The following OOSP4A variants were observed in gnomAD, a reference collection of about 807,000 sequenced individuals.
OOSP4A encodes the protein oocyte-secreted protein 4A.
At chr11:59,969,352 G>A (rs138869218) in intron 4 of OOSP4A, 68 bp downstream of exon 4, 3 of 397,260 alleles carry the variant, frequency 7.6e-6, no homozygotes, top group African/African-American at 6.2e-5. Context: ...CCAGGGTTTA[G>A]TAAGGTGGTG....
At chr11:59,968,928 A>G (rs1350213757) in intron 3 of OOSP4A, among the ~76,000 whole-genome samples, 1 of 152,232 alleles carries the variant, frequency 6.6e-6, no homozygotes, top group African/African-American at 2.4e-5. Flanking sequence ...TCACAATAGT[A>G]CATTTTGGGA....
chr11:59,967,366 G>GT (rs1170059698), intron 3 of OOSP4A, among the ~76,000 whole-genome samples: 1 of 152,164 alleles, frequency 6.6e-6, no homozygotes, highest in Non-Finnish European at 1.5e-5. Context: ...ATGAGGCTCA[G>GT]TTGTTATATG....
At chr11:59,967,674 T>A (rs980197217) in intron 3 of OOSP4A, among the ~76,000 whole-genome samples, 5 of 151,396 alleles carry the variant, frequency 3.3e-5, no homozygotes, top group Non-Finnish European at 5.9e-5. Flanking sequence ...TAATTTTTTT[T>A]ATATATATAA....
chr11:59,968,474 T>C (rs1337242198), intron 3 of OOSP4A, among the ~76,000 whole-genome samples: 1 of 152,200 alleles, frequency 6.6e-6, no homozygotes, highest in Non-Finnish European at 1.5e-5. Context: ...TATCTTGACT[T>C]CTTGAGGTCC....
chr11:59,965,155 G>A (rs1223704896), intron 1 of OOSP4A, among the ~76,000 whole-genome samples: 1 of 120,898 alleles, frequency 8.3e-6, no homozygotes, highest in South Asian at 3.6e-4. Flanking sequence ...GTGGGGGAGG[G>A]GGGAGGGGGG....
intron 2 of OOSP4A, 109 bp downstream of exon 2, chr11:59,965,822 T>C: frequency 2.5e-6 from 1 of 396,510 alleles, no homozygotes; most frequent in Non-Finnish European, 4.4e-6. Context: ...GTTAATTTAA[T>C]AGTTCATGTA....
At chr11:59,964,264 T>C (rs1200994531) in intron 1 of OOSP4A, among the ~76,000 whole-genome samples, 165 bp downstream of exon 1, 1 of 151,948 alleles carries the variant, frequency 6.6e-6, no homozygotes, top group Non-Finnish European at 1.5e-5. Flanking sequence ...ACTAGTTTTA[T>C]CTTTACCCCT....
chr11:59,966,864 G>C (rs1854104785), intron 2 of OOSP4A, among the ~76,000 whole-genome samples: 1 of 152,094 alleles, frequency 6.6e-6, no homozygotes, highest in South Asian at 2.1e-4. Context: ...TATGGCAGGG[G>C]CTATTAATGT....
Sources: allele counts gnomAD v4.1 joint callset (sites outside exome capture counted in the v4.1 genomes callset), GRCh38; gene constraint gnomAD v4.1.1; transcripts MANE v1.5; gene names NCBI Gene and HGNC (gene_info 2026-07-23, HGNC 2026-07-21).